TYW1: variants seen among roughly 807,000 people sequenced by gnomAD.
The protein encoded by TYW1 is tRNA-yW synthesizing protein 1 homolog.
TYW1 carries 46 observed loss-of-function variants against 96.2 expected under a neutral mutation model. That is an observed-to-expected ratio of 0.48 (90% confidence interval 0.38 to 0.61). The LOEUF is 0.61. Among genes scored for constraint, TYW1 ranks in the 20% least tolerant of loss-of-function variants. The pLI is 0.00. For synonymous variants in TYW1, 274 were observed against 323.0 expected, an observed-to-expected ratio of 0.85 and a Z score of 1.63; for missense variants, 684 against 909.6, an observed-to-expected ratio of 0.75 and a Z score of 3.19.
At chr7:67,206,973 A>G (rs1800821624) in intron 15 of TYW1, among the ~76,000 whole-genome samples, 1 of 152,216 alleles carries the variant, frequency 6.6e-6, no homozygotes, top group Non-Finnish European at 1.5e-5. Context: ...CTGGGCTTTT[A>G]AACGGTACTG....
In TYW1 at chr7:67,143,054, C is replaced by CAA. The variant is rs35144189; in HGVS notation, c.1698+25449_1698+25450dup. On this transcript the variant is annotated intron_variant, in intron 13 of 15. Transcript: ENST00000359626. ...GAACAACAGGAGCAAAACTCCATCT[C>CAA]AAAAAAAAAAAAAAGTTTAAAATTA... Among the ~76,000 whole-genome samples, 447 of 136,402 alleles carry CAA rather than the reference C, an allele frequency of 3.3e-3. 4 individuals carry two copies. Among genetic ancestry groups the CAA allele is most frequent in the African/African-American group, 7.5e-3 (277 of 37,176 alleles). The allele number at this position is 136,402 out of a possible 152,430, so 89.5% of individuals were successfully genotyped here.
rs144900939 is a variant in TYW1, at chr7:67,239,227, T to C, written c.*698T>C. ...CTGTCTGCTGTAAGAGGAGTGGCCA[T>C]GTGAGGGCATGGAGTCATTAGTCTC... On this transcript the variant is annotated 3_prime_UTR_variant, in exon 16 of 16. Coordinates refer to ENST00000359626, the MANE Select transcript of TYW1 (RefSeq NM_018264.4). 8,418 of 985,348 alleles carry C rather than the reference T, an allele frequency of 8.5e-3. 496 individuals are homozygous for C. The African/African-American group carries it at 0.13, about 16-fold the overall frequency. 61.0% of individuals were successfully genotyped at this position (985,348 alleles called of 1,614,324 possible). A position where few individuals can be genotyped will look rare whatever the true frequency, so the allele number is the denominator to read the frequency against.
chr7:67,085,777 T>G (rs1796531007), intron 11 of TYW1, among the ~76,000 whole-genome samples: 1 of 152,068 alleles, frequency 6.6e-6, no homozygotes, highest in South Asian at 2.1e-4. Context: ...GAGACCAGCC[T>G]GGCCAACATG....
intron 7 of TYW1, among the ~76,000 whole-genome samples, chr7:67,047,685 A>C (rs990069768): frequency 6.7e-6 from 1 of 148,266 alleles, no homozygotes; most frequent in South Asian, 2.1e-4. Flanking sequence ...TCTCTAAAGT[A>C]CTTTTTTCAC....
chr7:67,195,231 A>G lies in TYW1; in HGVS notation c.1871A>G (p.His624Arg), dbSNP rs1251176709. The G allele has an allele frequency of 6.2e-7, 1 of 1,613,648 alleles. No individual in the cohort carries two copies. The highest frequency in any genetic ancestry group is 1.1e-5 in the South Asian group (1 of 91,060). Residue 624 changes from histidine to arginine, a missense_variant, in exon 15 of 16, where the codon CAT (histidine) becomes CGT (arginine). By Grantham distance (29) the His-to-Arg change is conservative (BLOSUM62 0). Transcript: ENST00000359626. ...SSLTMAHVPW[H>R]EEVVQFVHEL... ...CTTACCATGGCCCACGTGCCCTGGC[A>G]TGAGGAAGTGGTACAGTTTGTCCAC...
chr7:67,144,199 G>A lies in TYW1; in HGVS notation c.1698+26581G>A, dbSNP rs568771373. Among the ~76,000 whole-genome samples the A allele has an allele frequency of 3.9e-5, 6 of 152,294 alleles. No homozygotes were observed. The South Asian group carries it at 1.0e-3, about 26-fold the overall frequency. On this transcript the variant is annotated intron_variant, in intron 13 of 15. Coordinates refer to ENST00000359626, the MANE Select transcript of TYW1 (RefSeq NM_018264.4). ...TTAAAGACTTTTTTCATTTGAGAAA[G>A]TATCTTTTATGTGACGCTAGCTGTG...
chr7:67,059,952 T>C (rs1795644089), intron 9 of TYW1, among the ~76,000 whole-genome samples: 1 of 151,556 alleles, frequency 6.6e-6, no homozygotes, highest in Non-Finnish European at 1.5e-5. Context: ...TTTGTATTTT[T>C]AGTAGAGACA....
chr7:67,215,399 C>T (rs1324629555), intron 15 of TYW1, among the ~76,000 whole-genome samples: 3 of 151,972 alleles, frequency 2.0e-5, no homozygotes, highest in African/African-American at 4.8e-5. Context: ...TGTAATAACT[C>T]CTCAGGCTAT....
At chr7:67,041,898 C>A (rs1795034514) in intron 7 of TYW1, among the ~76,000 whole-genome samples, 1 of 151,428 alleles carries the variant, frequency 6.6e-6, no homozygotes, top group Non-Finnish European at 1.5e-5. Flanking sequence ...TTATAAAGTT[C>A]TTATGTAGAT....
At chr7:67,138,764 A>G (rs1798352447) in intron 13 of TYW1, among the ~76,000 whole-genome samples, 1 of 152,238 alleles carries the variant, frequency 6.6e-6, no homozygotes, top group South Asian at 2.1e-4. Context: ...ATCACTTAGC[A>G]TAATGACCTC....
intron 9 of TYW1, among the ~76,000 whole-genome samples, chr7:67,057,022 T>TC (rs1308600710): frequency 6.6e-6 from 1 of 150,580 alleles, no homozygotes; most frequent in East Asian, 1.9e-4. Context: ...TTCTTTTCTT[T>TC]TTTTTTTTTT....
At chr7:67,008,206 G>C (rs1793669783) in intron 3 of TYW1, among the ~76,000 whole-genome samples, 1 of 152,140 alleles carries the variant, frequency 6.6e-6, no homozygotes, top group Non-Finnish European at 1.5e-5. Context: ...GGTTGAGCAG[G>C]GCTTCCAGGC....
At chr7:67,197,865 C>T (rs1800450929) in intron 15 of TYW1, among the ~76,000 whole-genome samples, 1 of 151,738 alleles carries the variant, frequency 6.6e-6, no homozygotes, top group Non-Finnish European at 1.5e-5. Flanking sequence ...TGCAAAATCA[C>T]CTGTTACCAT....
chr7:67,147,932 ATAAAT>A (rs1323471576), intron 13 of TYW1, among the ~76,000 whole-genome samples: 9 of 144,994 alleles, frequency 6.2e-5, no homozygotes, highest in African/African-American at 2.4e-4. Flanking sequence ...AAAAGAAAAA[ATAAAT>A]TAATTTGGAA....
At chr7:67,129,289 C>G (rs1214104563) in intron 13 of TYW1, among the ~76,000 whole-genome samples, 2 of 152,180 alleles carry the variant, frequency 1.3e-5, no homozygotes, top group African/African-American at 2.4e-5. Flanking sequence ...CTCCCCTTAC[C>G]GGAAGCACAA....
intron 13 of TYW1, among the ~76,000 whole-genome samples, chr7:67,151,390 G>T (rs1416314995): frequency 6.6e-6 from 1 of 151,850 alleles, no homozygotes; most frequent in Non-Finnish European, 1.5e-5. Context: ...TTAAGGCCTG[G>T]GTTTGTTTTG....
chr7:67,015,443 C>G (rs1793983163), intron 5 of TYW1, among the ~76,000 whole-genome samples: 1 of 152,126 alleles, frequency 6.6e-6, no homozygotes, highest in Admixed American at 6.5e-5. Flanking sequence ...CCTTGAAGTC[C>G]TAGGCTCAAG....
At chr7:67,064,842 C>T (rs1795810853) in intron 9 of TYW1, among the ~76,000 whole-genome samples, 2 of 152,030 alleles carry the variant, frequency 1.3e-5, no homozygotes, top group Non-Finnish European at 2.9e-5. Flanking sequence ...AACCATAGGC[C>T]AAAACCAACA....
chr7:67,129,074 G>A (rs1797988909), intron 13 of TYW1, among the ~76,000 whole-genome samples: 1 of 152,202 alleles, frequency 6.6e-6, no homozygotes, highest in Non-Finnish European at 1.5e-5. Context: ...CTTGGGACAG[G>A]TTGGCTAGAG....
Sources: allele counts gnomAD v4.1 joint callset (sites outside exome capture counted in the v4.1 genomes callset), GRCh38; gene constraint gnomAD v4.1.1; transcripts MANE v1.5; gene names NCBI Gene and HGNC (gene_info 2026-07-23, HGNC 2026-07-21).